FHIT: variants seen among roughly 807,000 people sequenced by gnomAD.
FHIT encodes fragile histidine triad diadenosine triphosphatase.
FHIT carries 19 observed loss-of-function variants against 17.9 expected under a neutral mutation model. The ratio of observed to expected loss-of-function variants is 1.06; its 90% CI spans 0.74 to 1.56. The LOEUF is 1.56. FHIT is among the 40% of genes most tolerant of loss of function. The pLI is 0.00. For synonymous variants in FHIT, 81 were observed against 69.7 expected, an observed-to-expected ratio of 1.16 and a Z score of -0.81; for missense variants, 248 against 189.2, an observed-to-expected ratio of 1.31 and a Z score of -1.82.
intron 4 of FHIT, among the ~76,000 whole-genome samples, chr3:60,720,275 T>C (rs1321889066): frequency 2.0e-5 from 3 of 152,184 alleles, no homozygotes; most frequent in Admixed American, 1.3e-4. Context: ...AATCTTTAGA[T>C]GTCAGCTCAA....
chr3:60,032,581 A>C (rs898501505), intron 5 of FHIT, among the ~76,000 whole-genome samples: 2 of 152,366 alleles, frequency 1.3e-5, no homozygotes, highest in African/African-American at 2.4e-5. Context: ...GTGTGACGGG[A>C]AACTTTATAA....
At position 61,216,786 on chromosome 3, in the gene FHIT, C is replaced by T. The variant is rs1173162287; in HGVS notation, c.-212-16121G>A. On this transcript the variant is annotated intron_variant, in intron 1 of 9. Transcript: ENST00000492590. ...CAGACTGGATTAAGAAAATGTGGCA[C>T]ATATATACCATGGAATACTATGCAT... Among the ~76,000 whole-genome samples the T allele has an allele frequency of 3.9e-5, 6 of 152,250 alleles. 1 individual carries two copies. In the South Asian group the frequency reaches 1.0e-3, roughly 26 times the overall value.
intron 5 of FHIT, among the ~76,000 whole-genome samples, chr3:60,503,332 T>C (rs1031926528): frequency 9.2e-5 from 14 of 152,158 alleles, no homozygotes; most frequent in Non-Finnish European, 1.8e-4. Flanking sequence ...TGGGTACATG[T>C]GAAATTTTAT....
intron 2 of FHIT, among the ~76,000 whole-genome samples, chr3:61,093,077 A>T (rs533426751): frequency 6.6e-5 from 10 of 152,324 alleles, no homozygotes; most frequent in African/African-American, 2.2e-4. Flanking sequence ...GTGTGACTCT[A>T]AGCAACTTAC....
chr3:60,959,886 TATTG>T (rs200682062), intron 3 of FHIT, among the ~76,000 whole-genome samples: 218 of 151,884 alleles, frequency 1.4e-3, no homozygotes, highest in African/African-American at 5.0e-3. Flanking sequence ...TTCTTTTTCT[TATTG>T]ATTATTTCCA....
At chr3:60,163,745 C>G (rs1472984583) in intron 5 of FHIT, among the ~76,000 whole-genome samples, 1 of 152,174 alleles carries the variant, frequency 6.6e-6, no homozygotes, top group Non-Finnish European at 1.5e-5. Flanking sequence ...GAAAGTTTAG[C>G]AGCATTCACT....
chr3:61,009,049 G>C (rs1440107827), intron 3 of FHIT, among the ~76,000 whole-genome samples: 3 of 152,046 alleles, frequency 2.0e-5, no homozygotes, highest in Non-Finnish European at 4.4e-5. Flanking sequence ...CCCAATAATT[G>C]TGTTTCTTCC....
At chr3:60,828,944 A>T (rs1198957615) in intron 3 of FHIT, among the ~76,000 whole-genome samples, 1 of 152,084 alleles carries the variant, frequency 6.6e-6, no homozygotes, top group Non-Finnish European at 1.5e-5. Flanking sequence ...AAAACAAAGG[A>T]ACTTAAATTA....
At chr3:59,887,948 G>A (rs984239436) in intron 8 of FHIT, among the ~76,000 whole-genome samples, 1 of 152,100 alleles carries the variant, frequency 6.6e-6, no homozygotes, top group Non-Finnish European at 1.5e-5. Flanking sequence ...TAGCATGCAG[G>A]GGCCAAAGTT....
At chr3:60,871,491 T>G (rs1553755022) in intron 3 of FHIT, among the ~76,000 whole-genome samples, 1 of 152,170 alleles carries the variant, frequency 6.6e-6, no homozygotes, top group African/African-American at 2.4e-5. Context: ...CATGATCATT[T>G]TTAAAAATAG....
intron 4 of FHIT, among the ~76,000 whole-genome samples, chr3:60,760,496 G>T: frequency 6.6e-6 from 1 of 152,228 alleles, no homozygotes; most frequent in East Asian, 1.9e-4. Context: ...GGATTGCTGA[G>T]CAGTGTGTTG....
intron 5 of FHIT, among the ~76,000 whole-genome samples, chr3:60,176,936 A>G (rs1215257654): frequency 2.6e-5 from 4 of 152,168 alleles, no homozygotes; most frequent in Admixed American, 2.6e-4. Context: ...AAAGAAACCA[A>G]GGAGGGCAAA....
intron 5 of FHIT, among the ~76,000 whole-genome samples, chr3:60,069,122 G>T (rs1702647803): frequency 7.6e-6 from 1 of 132,122 alleles, no homozygotes; most frequent in Non-Finnish European, 1.6e-5. Flanking sequence ...ATCAAATCTA[G>T]ATAATGTACA....
intron 8 of FHIT, among the ~76,000 whole-genome samples, chr3:59,902,616 A>G (rs1215848036): frequency 6.6e-6 from 1 of 152,206 alleles, no homozygotes; most frequent in Non-Finnish European, 1.5e-5. Flanking sequence ...CTCTTTAAAA[A>G]GAAGGAAAGA....
intron 7 of FHIT, among the ~76,000 whole-genome samples, chr3:59,995,061 T>C (rs1197964475): frequency 6.6e-6 from 1 of 152,022 alleles, no homozygotes; most frequent in African/African-American, 2.4e-5. Context: ...CTAGGGAAAC[T>C]TCCCACCCAA....
At chr3:61,119,498 G>A (rs950832987) in intron 2 of FHIT, among the ~76,000 whole-genome samples, 7 of 152,160 alleles carry the variant, frequency 4.6e-5, no homozygotes, top group Non-Finnish European at 1.0e-4. Context: ...ACAGGCACAA[G>A]CCACCGTGCC....
intron 5 of FHIT, among the ~76,000 whole-genome samples, chr3:60,525,190 C>T (rs2035526570): frequency 6.6e-6 from 1 of 152,156 alleles, no homozygotes; most frequent in African/African-American, 2.4e-5. Flanking sequence ...AGCATTTAAT[C>T]CTTACATTGA....
intron 4 of FHIT, among the ~76,000 whole-genome samples, chr3:60,609,088 T>C (rs2038700011): frequency 1.3e-5 from 2 of 152,046 alleles, no homozygotes; most frequent in African/African-American, 4.8e-5. Flanking sequence ...GTTCCTACTC[T>C]GAATGGACAT....
At chr3:60,560,645 T>C (rs916318351) in intron 4 of FHIT, among the ~76,000 whole-genome samples, 1 of 152,024 alleles carries the variant, frequency 6.6e-6, no homozygotes, top group African/African-American at 2.4e-5. Flanking sequence ...TCTGGCCTGC[T>C]TGCCATATGG....
Sources: gnomAD v4.1 joint callset for allele counts (sites outside exome capture counted in the v4.1 genomes callset) on GRCh38, gnomAD v4.1.1 for gene constraint, MANE v1.5 for transcripts, NCBI Gene and HGNC (gene_info 2026-07-23, HGNC 2026-07-21) for gene names.